TENM3: variants seen among roughly 807,000 people sequenced by gnomAD.
TENM3 encodes the protein teneurin transmembrane protein 3.
TENM3 carries 63 observed loss-of-function variants against 255.1 expected under a neutral mutation model. That is an observed-to-expected ratio of 0.25 (90% CI 0.20 to 0.30). TENM3 has a LOEUF of 0.30. Ranked by LOEUF, TENM3 falls within the 10% of genes least tolerant of loss-of-function variation. The pLI, the probability that TENM3 is intolerant of heterozygous loss-of-function variation, is 1.00. For synonymous variants in TENM3, 1,306 were observed against 1,322.3 expected (o/e 0.99, Z 0.27); for missense variants, 2,929 against 3,461.1 (o/e 0.85, Z 3.86).
chr4:182,241,177 T>C (rs1184015677), upstream of TENM3, among the ~76,000 whole-genome samples: 2 of 152,166 alleles, frequency 1.3e-5, no homozygotes, highest in Non-Finnish European at 2.9e-5. Context: ...TTCTCTCTGG[T>C]TTACCATTGG....
At chr4:182,107,266 G>A in the TENM3 span, among the ~76,000 whole-genome samples, 1 of 151,908 alleles carries the variant, frequency 6.6e-6, no homozygotes, top group African/African-American at 2.4e-5. Context: ...GATCCCTCAA[G>A]GCTCTGGAAA....
chr4:181,571,649 A>C, the TENM3 span, among the ~76,000 whole-genome samples: 2 of 152,154 alleles, frequency 1.3e-5, no homozygotes, highest in Admixed American at 1.3e-4. Context: ...TGTTTTAATT[A>C]TTTTATTTAC....
intron 3 of TENM3, among the ~76,000 whole-genome samples, chr4:182,361,571 C>A (rs1419946502): frequency 2.0e-5 from 3 of 152,142 alleles, no homozygotes; most frequent in Non-Finnish European, 2.9e-5. Flanking sequence ...TCAGCTCCAT[C>A]AGCTCCTTTA....
At chr4:182,235,666 C>A (rs1043683069) in intron 1 of TENM3, among the ~76,000 whole-genome samples, 1 of 151,978 alleles carries the variant, frequency 6.6e-6, no homozygotes, top group African/African-American at 2.4e-5. Context: ...CACGACCACA[C>A]GGGAGCCATC....
chr4:182,350,580 A>G lies in TENM3; in HGVS notation c.511+3651A>G, dbSNP rs73869947. ...ACAGCAGTTTGAGTAAAAATGGGTGAAAGGTTATAAAATCAGTGTGATGGG... is the reference window on the plus strand; with the variant it reads ...ACAGCAGTTTGAGTAAAAATGGGTGGAAGGTTATAAAATCAGTGTGATGGG... On this transcript the variant is annotated intron_variant, in intron 3 of 27. Coordinates refer to ENST00000511685, the MANE Select transcript of TENM3 (RefSeq NM_001080477.4). Among the ~76,000 whole-genome samples, 208 of 152,316 alleles carry G rather than the reference A, an allele frequency of 1.4e-3. 1 individual carries two copies. Among genetic ancestry groups the G allele is most frequent in the African/African-American group, 4.8e-3 (199 of 41,580 alleles).
At chr4:181,883,234 A>T in the TENM3 span, among the ~76,000 whole-genome samples, 2 of 148,896 alleles carry the variant, frequency 1.3e-5, no homozygotes, top group African/African-American at 4.9e-5. Flanking sequence ...AAGAGGAGAG[A>T]CCAAGGAACT....
chr4:181,866,290 C>A, the TENM3 span, among the ~76,000 whole-genome samples: 1 of 152,132 alleles, frequency 6.6e-6, no homozygotes, highest in African/African-American at 2.4e-5. Context: ...TTTCTAACAT[C>A]CTCCTGGTTA....
intron 3 of TENM3, among the ~76,000 whole-genome samples, chr4:182,379,495 A>G (rs1767420443): frequency 6.6e-6 from 1 of 152,246 alleles, no homozygotes; most frequent in Admixed American, 6.5e-5. Flanking sequence ...AAAATTGTAA[A>G]GGTAGGTTAA....
At chr4:181,731,940 A>G in the TENM3 span, among the ~76,000 whole-genome samples, 1 of 152,218 alleles carries the variant, frequency 6.6e-6, no homozygotes, top group Admixed American at 6.5e-5. Context: ...TGAAGGGACC[A>G]TAAGATGAAT....
At chr4:181,859,549 T>C in the TENM3 span, among the ~76,000 whole-genome samples, 2 of 152,164 alleles carry the variant, frequency 1.3e-5, no homozygotes, top group African/African-American at 4.8e-5. Flanking sequence ...TCAGCAAATA[T>C]CCCATTGTGA....
the TENM3 span, among the ~76,000 whole-genome samples, chr4:181,977,165 G>A: frequency 6.6e-6 from 1 of 152,120 alleles, no homozygotes; most frequent in African/African-American, 2.4e-5. Context: ...GCCTCTCTGT[G>A]TTTTGGTTTC....
intron 3 of TENM3, among the ~76,000 whole-genome samples, chr4:182,404,589 T>G (rs561568589): frequency 5.3e-5 from 8 of 152,342 alleles, no homozygotes; most frequent in African/African-American, 1.9e-4. Flanking sequence ...TGTTGACACA[T>G]TGTGTGTGCA....
the TENM3 span, among the ~76,000 whole-genome samples, chr4:181,480,138 C>A: frequency 6.6e-6 from 1 of 151,304 alleles, no homozygotes; most frequent in African/African-American, 2.4e-5. Context: ...AGATCAATTC[C>A]TATAAACTGA....
At chr4:181,855,428 A>T in the TENM3 span, among the ~76,000 whole-genome samples, 4 of 152,336 alleles carry the variant, frequency 2.6e-5, no homozygotes, top group African/African-American at 7.2e-5. Context: ...AGGAAAATTG[A>T]GGCAATATTA....
chr4:182,604,766 C>G (rs1201083751), intron 4 of TENM3, among the ~76,000 whole-genome samples: 1 of 152,106 alleles, frequency 6.6e-6, no homozygotes, highest in Non-Finnish European at 1.5e-5. Flanking sequence ...TATTATGAAG[C>G]CTACTTTGGC....
At chr4:182,322,177 G>C (rs957282375) in intron 1 of TENM3, among the ~76,000 whole-genome samples, 3 of 152,124 alleles carry the variant, frequency 2.0e-5, no homozygotes, top group Non-Finnish European at 4.4e-5. Context: ...ATGAATCAGA[G>C]GGGTCAGTGA....
the TENM3 span, among the ~76,000 whole-genome samples, chr4:181,564,532 A>C: frequency 6.6e-6 from 1 of 152,134 alleles, no homozygotes; most frequent in South Asian, 2.1e-4. Context: ...CAACTCTAAA[A>C]TGACACCAAC....
At chr4:182,188,231 C>T (rs559928926) in intron 1 of TENM3, among the ~76,000 whole-genome samples, 1 of 152,070 alleles carries the variant, frequency 6.6e-6, no homozygotes, top group South Asian at 2.1e-4. Context: ...AGAAAAATTA[C>T]ATTCTAACCC....
chr4:182,037,638 T>C, the TENM3 span, among the ~76,000 whole-genome samples: 5 of 152,152 alleles, frequency 3.3e-5, no homozygotes, highest in Non-Finnish European at 7.4e-5. Context: ...ATTATGTTAT[T>C]TGTTTGTTTG....
Sources: gnomAD v4.1 joint callset for allele counts (sites outside exome capture counted in the v4.1 genomes callset) on GRCh38, gnomAD v4.1.1 for gene constraint, MANE v1.5 for transcripts, NCBI Gene and HGNC (gene_info 2026-07-23, HGNC 2026-07-21) for gene names.